RAB3C: variants seen among roughly 807,000 people sequenced by gnomAD.
RAB3C encodes RAB3C, member RAS oncogene family.
In RAB3C, 17 loss-of-function variants were observed where a neutral mutation model predicts 26.4. That is an observed-to-expected ratio of 0.64 (90% confidence interval 0.44 to 0.97). The LOEUF (loss-of-function observed/expected upper bound fraction) is 0.97. Ranked by LOEUF, RAB3C falls within the 50% of genes least tolerant of loss-of-function variation. The pLI is 0.00. For synonymous variants in RAB3C, 91 were observed against 95.9 expected, an observed-to-expected ratio of 0.95 and a Z score of 0.30; for missense variants, 242 against 281.9, an observed-to-expected ratio of 0.86 and a Z score of 1.01.
chr5:58,835,860 G>T (rs766814905), intron 4 of RAB3C, among the ~76,000 whole-genome samples: 13 of 152,200 alleles, frequency 8.5e-5, no homozygotes, highest in Non-Finnish European at 1.2e-4. Context: ...AGCTGAAAAA[G>T]ATTAAATCAA....
chr5:58,775,479 A>C (rs1379321940), intron 3 of RAB3C, among the ~76,000 whole-genome samples: 1 of 152,042 alleles, frequency 6.6e-6, no homozygotes, highest in East Asian at 1.9e-4. Flanking sequence ...CAGGGTTTGC[A>C]GACTGAAATC....
At chr5:58,700,748 T>C (rs1748823951) in intron 2 of RAB3C, among the ~76,000 whole-genome samples, 1 of 152,192 alleles carries the variant, frequency 6.6e-6, no homozygotes, top group Admixed American at 6.5e-5. Context: ...AACATGTATT[T>C]AAAAATAGAT....
intron 4 of RAB3C, among the ~76,000 whole-genome samples, chr5:58,827,043 G>T (rs952155186): frequency 1.3e-5 from 2 of 152,206 alleles, no homozygotes; most frequent in Non-Finnish European, 2.9e-5. Context: ...CCTGGCTGGT[G>T]TACGGTCTCC....
At chr5:58,713,871 C>A (rs1337428101) in intron 2 of RAB3C, among the ~76,000 whole-genome samples, 1 of 152,062 alleles carries the variant, frequency 6.6e-6, no homozygotes, top group East Asian at 1.9e-4. Context: ...AGTTGGAATT[C>A]TAAAATAAAC....
chr5:58,845,943 T>C (rs770645822), intron 4 of RAB3C, among the ~76,000 whole-genome samples: 1 of 152,078 alleles, frequency 6.6e-6, no homozygotes, highest in Non-Finnish European at 1.5e-5. Context: ...GCATTTTTTA[T>C]AAAATGGTCT....
intron 2 of RAB3C, among the ~76,000 whole-genome samples, chr5:58,704,538 AG>A (rs900157552): frequency 2.0e-5 from 3 of 152,198 alleles, no homozygotes; most frequent in Non-Finnish European, 2.9e-5. Context: ...AATTCTTGAA[AG>A]TACTGAGAAT....
In RAB3C at chr5:58,851,193, GACA is replaced by G; in HGVS notation, c.530_532del (p.Asn177del). 3 of 1,606,680 alleles carry G rather than the reference GACA, an allele frequency of 1.9e-6. No individual in the cohort carries two copies. Among genetic ancestry groups the G allele is most frequent in the Non-Finnish European group, 2.5e-6 (3 of 1,177,866 alleles). ...TGAGTTTTTTGAAACAAGTGCCAAG[GACA>G]ACATTAATGTCAAGCAGACATTTGA... On this transcript the variant is annotated inframe_deletion, in exon 5 of 5. Coordinates refer to ENST00000282878, the MANE Select transcript of RAB3C (RefSeq NM_138453.4).
At chr5:58,843,366 G>A (rs1390540974) in intron 4 of RAB3C, among the ~76,000 whole-genome samples, 1 of 152,172 alleles carries the variant, frequency 6.6e-6, no homozygotes, top group African/African-American at 2.4e-5. Context: ...ACAGACAGAA[G>A]TTATCAATGT....
At chr5:58,749,837 C>A (rs578134758) in intron 3 of RAB3C, among the ~76,000 whole-genome samples, 1 of 152,042 alleles carries the variant, frequency 6.6e-6, no homozygotes, top group Non-Finnish European at 1.5e-5. Flanking sequence ...AAACAAACAA[C>A]AACAACAAAA....
chr5:58,732,368 T>G (rs1044289539), intron 3 of RAB3C, among the ~76,000 whole-genome samples: 1 of 152,084 alleles, frequency 6.6e-6, no homozygotes, highest in East Asian at 1.9e-4. Flanking sequence ...CATATCAATC[T>G]TACAGGGCAA....
chr5:58,758,005 G>A (rs539630652), intron 3 of RAB3C, among the ~76,000 whole-genome samples: 30 of 152,178 alleles, frequency 2.0e-4, no homozygotes, highest in Non-Finnish European at 2.9e-4. Flanking sequence ...GCAGTGGTGC[G>A]ATCTCAGCTC....
rs1317936297 is a variant in RAB3C at position 58,853,880 on chromosome 5, C to T, written c.*2529C>T. ...TCAAGAGAAAGAACACTTAAATGCT[C>T]CTGCTGTAATTGCATCAAAAAATCC... On this transcript the variant is annotated 3_prime_UTR_variant, in exon 5 of 5. Coordinates refer to ENST00000282878, the MANE Select transcript of RAB3C (RefSeq NM_138453.4). The T allele has an allele frequency of 6.6e-6, 1 of 152,096 alleles. No individual in the cohort carries two copies. The highest frequency in any genetic ancestry group is 2.4e-5 in the African/African-American group (1 of 41,412). 9.4% of individuals were successfully genotyped at this position (152,096 alleles called of 1,614,324 possible). A position where few individuals can be genotyped will look rare whatever the true frequency, so the allele number is the denominator to read the frequency against.
intron 3 of RAB3C, among the ~76,000 whole-genome samples, chr5:58,745,273 C>T (rs920517588): frequency 1.3e-5 from 2 of 151,014 alleles, no homozygotes; most frequent in African/African-American, 2.4e-5. Context: ...TGGCGGGTGC[C>T]TGTGGTCCCA....
At chr5:58,748,556 C>T (rs16888542) in intron 3 of RAB3C, among the ~76,000 whole-genome samples, 6,787 of 152,122 alleles carry the variant, frequency 0.045, 505 homozygotes, top group African/African-American at 0.16. Context: ...CATTGGCTTG[C>T]TTGTAGCTCC....
Position 58,826,614 on chromosome 5 carries a change from T to C in RAB3C, c.496+1452T>C, listed in dbSNP as rs1416456971. Among the ~76,000 whole-genome samples the C allele has an allele frequency of 3.9e-5, 6 of 152,192 alleles. No individual in the cohort carries two copies. In the South Asian group the frequency reaches 1.2e-3, roughly 32 times the overall value. On this transcript the variant is annotated intron_variant, in intron 4 of 4. Transcript: ENST00000282878. ...AATTTAGCAACCCAATACATACATATATAAAACTTCTGTAAAACAAAAGTT... is the reference window on the plus strand; with the variant it reads ...AATTTAGCAACCCAATACATACATACATAAAACTTCTGTAAAACAAAAGTT...
intron 3 of RAB3C, 70 bp from the exon 4 acceptor site, chr5:58,824,968 A>C: frequency 2.5e-5 from 25 of 1,019,650 alleles, no homozygotes; most frequent in African/African-American, 3.3e-5. Context: ...TGTGGAATGT[A>C]TTTCTTCTCC....
Position 58,825,049 on chromosome 5 carries a change from T to A in RAB3C, c.383T>A (p.Ile128Asn). The change falls in exon 4 of 5, where the codon ATC (isoleucine) becomes AAC (asparagine). Residue 128 changes from isoleucine (I) to asparagine (N), a missense_variant. Transcript: ENST00000282878. ...TCTTTTTCTTTTAGGTCAACTCAAA[T>A]CAAAACATACTCTTGGGACAATGCC... ...FNAVQDWSTQ[I>N]KTYSWDNAQV... 1 of 1,608,066 alleles carries A rather than the reference T, an allele frequency of 6.2e-7. No homozygotes were observed. Among genetic ancestry groups the A allele is most frequent in the South Asian group, 1.1e-5 (1 of 89,878 alleles).
chr5:58,664,514 C>A (rs1015145822), intron 2 of RAB3C, among the ~76,000 whole-genome samples: 6 of 152,006 alleles, frequency 3.9e-5, no homozygotes, highest in African/African-American at 1.4e-4. Flanking sequence ...AAAAGGGCAA[C>A]ATGAGTAATC....
chr5:58,808,191 C>G (rs1191711419), intron 3 of RAB3C, among the ~76,000 whole-genome samples: 1 of 144,430 alleles, frequency 6.9e-6, no homozygotes, highest in Non-Finnish European at 1.5e-5. Context: ...CTCCACTGCA[C>G]TCCAGCCTGG....
Sources: gnomAD v4.1 joint callset for allele counts (sites outside exome capture counted in the v4.1 genomes callset) on GRCh38, gnomAD v4.1.1 for gene constraint, MANE v1.5 for transcripts, NCBI Gene and HGNC (gene_info 2026-07-23, HGNC 2026-07-21) for gene names.